The following ETNK1 variants were observed in gnomAD, a reference collection of about 807,000 sequenced individuals.
The protein encoded by ETNK1 is ethanolamine kinase 1, also known as putative protein product of Nbla10396.
In ETNK1, 8 loss-of-function variants were observed where a neutral mutation model predicts 45.1. That is an observed-to-expected ratio of 0.18 (90% CI 0.10 to 0.32). The LOEUF is 0.32. Ranked by LOEUF, ETNK1 falls within the 10% of genes least tolerant of loss-of-function variation. ETNK1 has a pLI of 1.00. For missense variants in ETNK1, 302 were observed against 430.6 expected, an observed-to-expected ratio of 0.70 and a Z score of 2.64; for synonymous variants, 152 against 151.9, an observed-to-expected ratio of 1.00 and a Z score of -0.01.
intron 2 of ETNK1, among the ~76,000 whole-genome samples, chr12:22,649,360 A>G (rs1204004315): frequency 2.0e-5 from 3 of 152,216 alleles, no homozygotes; most frequent in African/African-American, 7.2e-5. Context: ...TTTTACATTT[A>G]GGTCTGTAAT....
At chr12:22,672,067 A>G (rs1954114547) in intron 5 of ETNK1, among the ~76,000 whole-genome samples, 1 of 152,084 alleles carries the variant, frequency 6.6e-6, no homozygotes, top group Non-Finnish European at 1.5e-5. Context: ...AAGCATTTAA[A>G]AAGCCTTTGC....
chr12:22,653,737 C>T (rs977039611), intron 2 of ETNK1, among the ~76,000 whole-genome samples: 4 of 152,106 alleles, frequency 2.6e-5, no homozygotes, highest in Non-Finnish European at 4.4e-5. Context: ...TTAGTAAAAA[C>T]TGTAAATTTT....
chr12:22,673,184 A>G (rs1954127574), intron 5 of ETNK1, among the ~76,000 whole-genome samples: 1 of 152,162 alleles, frequency 6.6e-6, no homozygotes. Flanking sequence ...CAGCATGCTT[A>G]AGAATTTCCT....
In ETNK1 at chr12:22,688,499, T is replaced by A. The variant is rs1954278439; in HGVS notation, c.*3545T>A. 6.6e-6 allele frequency: 1 copy of A among 152,386 alleles called. No homozygotes were observed. Among genetic ancestry groups the A allele is most frequent in the African/African-American group, 2.4e-5 (1 of 41,448 alleles). 9.4% of individuals were successfully genotyped at this position (152,386 alleles called of 1,614,324 possible). A position where few individuals can be genotyped will look rare whatever the true frequency, so the allele number is the denominator to read the frequency against. The stretch of plus-strand genomic sequence containing the variant: ...TTTTACATTACACAGAAGCCTTCTG[T>A]ACCATTTTACGAATTTCTGTCTTCA... On this transcript the variant is annotated 3_prime_UTR_variant, in exon 8 of 8. Transcript: ENST00000266517.
At chr12:22,653,451 T>G (rs1953902381) in intron 2 of ETNK1, among the ~76,000 whole-genome samples, 1 of 152,172 alleles carries the variant, frequency 6.6e-6, no homozygotes, top group Non-Finnish European at 1.5e-5. Context: ...TTTGGTGGTA[T>G]TGACATATTA....
At chr12:22,652,818 T>A (rs888365514) in intron 2 of ETNK1, among the ~76,000 whole-genome samples, 1 of 152,182 alleles carries the variant, frequency 6.6e-6, no homozygotes, top group African/African-American at 2.4e-5. Flanking sequence ...TTGTGTCCTT[T>A]GGTGCGTAGT....
At chr12:22,626,869 G>T (rs1170196665) in intron 1 of ETNK1, among the ~76,000 whole-genome samples, 2 of 152,144 alleles carry the variant, frequency 1.3e-5, no homozygotes, top group Admixed American at 6.5e-5. Flanking sequence ...TAAAGGAAAT[G>T]TGTCTTCCAA....
chr12:22,671,225 A>G (rs764165510), intron 4 of ETNK1, 47 bp from the exon 5 acceptor site: 3 of 1,288,308 alleles, frequency 2.3e-6, no homozygotes, highest in South Asian at 2.4e-5. Flanking sequence ...GGATTTTCTG[A>G]TCTTATATGT....
In ETNK1 at chr12:22,685,539, T is replaced by A. The variant is rs191738259; in HGVS notation, c.*585T>A. On this transcript the variant is annotated 3_prime_UTR_variant, in exon 8 of 8. Coordinates refer to ENST00000266517, the MANE Select transcript of ETNK1 (RefSeq NM_018638.5). Reference sequence around the variant, plus strand: ...CACTGTCTCTGTTGGTGGTACATCTTGTTGAATTCAATATTAGAAAGTATT... The same window carrying A: ...CACTGTCTCTGTTGGTGGTACATCTAGTTGAATTCAATATTAGAAAGTATT... 9.2e-5 allele frequency: 14 copies of A among 151,994 alleles called. No homozygotes were observed. Among genetic ancestry groups the A allele is most frequent in the African/African-American group, 3.4e-4 (14 of 41,548 alleles). The allele number at this position is 151,994 out of a possible 1,614,324, so 9.4% of individuals were successfully genotyped here. A position where few individuals can be genotyped will look rare whatever the true frequency, so the allele number is the denominator to read the frequency against.
intron 3 of ETNK1, among the ~76,000 whole-genome samples, chr12:22,659,656 G>T (rs1307544369): frequency 6.6e-6 from 1 of 152,136 alleles, no homozygotes; most frequent in African/African-American, 2.4e-5. Context: ...TAACCATATA[G>T]AGTTTTTGTG....
chr12:22,655,988 G>A (rs544057595), intron 2 of ETNK1, among the ~76,000 whole-genome samples: 3 of 152,298 alleles, frequency 2.0e-5, no homozygotes, highest in South Asian at 2.1e-4. Context: ...AGCTTAGCTC[G>A]TTAGCTACCT....
chr12:22,625,755 C>G (rs1455052666), intron 1 of ETNK1, 169 bp downstream of exon 1: 14 of 1,007,738 alleles, frequency 1.4e-5, no homozygotes, highest in Non-Finnish European at 2.1e-5. Flanking sequence ...GAGGGTCACT[C>G]CCCCTTCCCG....
At chr12:22,657,639 T>G (rs1288976971) in intron 2 of ETNK1, among the ~76,000 whole-genome samples, 1 of 152,144 alleles carries the variant, frequency 6.6e-6, no homozygotes, top group East Asian at 1.9e-4. Flanking sequence ...AGTTGATAGC[T>G]TCAATAAAAT....
chr12:22,637,813 A>C (rs1262420219), intron 1 of ETNK1, among the ~76,000 whole-genome samples: 1 of 152,160 alleles, frequency 6.6e-6, no homozygotes, highest in Non-Finnish European at 1.5e-5. Context: ...TAAAATAAAA[A>C]ATCTTATATA....
chr12:22,663,814 G>A (rs527769620), intron 4 of ETNK1, among the ~76,000 whole-genome samples: 1 of 149,928 alleles, frequency 6.7e-6, no homozygotes, highest in Non-Finnish European at 1.5e-5. Context: ...CTTTGTCTTT[G>A]TGGTTATGTA....
rs1359851882 is a variant in ETNK1, at chr12:22,688,571, T to C, written c.*3617T>C. 1 of 152,338 alleles carries C rather than the reference T, an allele frequency of 6.6e-6. No homozygotes were observed. The allele number at this position is 152,338 out of a possible 1,614,324, so 9.4% of individuals were successfully genotyped here. On this transcript the variant is annotated 3_prime_UTR_variant, in exon 8 of 8. Coordinates refer to ENST00000266517, the MANE Select transcript of ETNK1 (RefSeq NM_018638.5). ...CATTTCAATTTTCTGCTTTAAATTGTTTTTAATAAGCATTCCAAAGTGATA... is the reference window on the plus strand; with the variant it reads ...CATTTCAATTTTCTGCTTTAAATTGCTTTTAATAAGCATTCCAAAGTGATA...
intron 1 of ETNK1, among the ~76,000 whole-genome samples, chr12:22,641,934 A>T (rs981986514): frequency 2.6e-5 from 4 of 152,178 alleles, no homozygotes; most frequent in African/African-American, 9.7e-5. Context: ...TTGAGTAATC[A>T]TATCTGTCTC....
chr12:22,680,897 C>A (rs867509049), intron 6 of ETNK1, among the ~76,000 whole-genome samples: 1,108 of 38,236 alleles, frequency 0.029, 126 homozygotes, highest in African/African-American at 0.062. Flanking sequence ...TCTTCCCCCG[C>A]CCCCCCCTCC....
intron 1 of ETNK1, among the ~76,000 whole-genome samples, chr12:22,640,653 G>A (rs755757611): frequency 2.0e-5 from 3 of 152,108 alleles, no homozygotes; most frequent in East Asian, 1.9e-4. Flanking sequence ...GTACTTTTAT[G>A]TGTATCAACT....
Sources: gnomAD v4.1 joint callset for allele counts (sites outside exome capture counted in the v4.1 genomes callset) on GRCh38, gnomAD v4.1.1 for gene constraint, MANE v1.5 for transcripts, NCBI Gene and HGNC (gene_info 2026-07-23, HGNC 2026-07-21) for gene names.